MAP3K7CL: variants seen among roughly 807,000 people sequenced by gnomAD.
The protein encoded by MAP3K7CL is MAP3K7 C-terminal-like protein.
In MAP3K7CL, 16 loss-of-function variants were observed where a neutral mutation model predicts 18.6. That is an observed-to-expected ratio of 0.86 (90% CI 0.58 to 1.31). The LOEUF is 1.31. MAP3K7CL is among the 50% of genes most tolerant of loss of function. MAP3K7CL has a pLI of 0.00. For synonymous variants in MAP3K7CL, 65 were observed against 66.8 expected (o/e 0.97, Z 0.13); for missense variants, 163 against 174.4 (o/e 0.93, Z 0.37).
intron 1 of MAP3K7CL, among the ~76,000 whole-genome samples, chr21:29,079,327 G>A (rs1318493819): frequency 6.6e-6 from 1 of 152,206 alleles, no homozygotes; most frequent in African/African-American, 2.4e-5. Context: ...GAAGGAAGTG[G>A]CTCTGCCCTG....
At chr21:29,130,587 A>G (rs1038061858), upstream of MAP3K7CL, 4 of 985,460 alleles carry the variant, frequency 4.1e-6, no homozygotes, top group African/African-American at 5.2e-5. Flanking sequence ...CTTGCTGTTT[A>G]TCAATGCCTC....
At chr21:29,092,537 C>A in exon 4 of MAP3K7CL, 1 of 1,614,222 alleles carries the variant, frequency 6.2e-7, no homozygotes, top group Non-Finnish European at 8.5e-7. Context: ...ACTCTGAAGC[C>A]AAAGTCTATT....
At chr21:29,161,867 C>T (rs920395397) in intron 4 of MAP3K7CL, among the ~76,000 whole-genome samples, 2 of 152,202 alleles carry the variant, frequency 1.3e-5, no homozygotes, top group African/African-American at 4.8e-5. Flanking sequence ...TGCAAAACCT[C>T]AGTTAGTACC....
Position 29,169,920 on chromosome 21 carries a change from G to A in MAP3K7CL, c.249-4792G>A, listed in dbSNP as rs534443251. Among the ~76,000 whole-genome samples the A allele has an allele frequency of 2.5e-4, 38 of 152,280 alleles. 1 individual carries two copies. The highest frequency in any genetic ancestry group is 1.4e-3 in the South Asian group (7 of 4,828). On this transcript the variant is annotated intron_variant, in intron 4 of 4. Coordinates refer to ENST00000399928, the MANE Select transcript of MAP3K7CL (RefSeq NM_001286620.2). ...ATGACCTTTTAGGCTATTGAATGGC[G>A]TCATGTGGAAAGCTATGTTACAGAT...
At chr21:29,103,687 A>G (rs1387453715) in intron 4 of MAP3K7CL, among the ~76,000 whole-genome samples, 1 of 151,980 alleles carries the variant, frequency 6.6e-6, no homozygotes, top group Non-Finnish European at 1.5e-5. Flanking sequence ...GTGAGCCGGG[A>G]TCGTGCCACT....
intron 1 of MAP3K7CL, among the ~76,000 whole-genome samples, chr21:29,089,977 AAAAG>A (rs1037614020): frequency 3.3e-5 from 5 of 152,038 alleles, no homozygotes; most frequent in African/African-American, 1.2e-4. Context: ...AGGGAAGGAA[AAAAG>A]AAAGAATTGA....
chr21:29,147,043 T>G lies in MAP3K7CL; in HGVS notation c.71-2146T>G, dbSNP rs563541611. Among the ~76,000 whole-genome samples, 58 of 152,332 alleles carry G rather than the reference T, an allele frequency of 3.8e-4. 2 individuals are homozygous for G. In the South Asian group the frequency reaches 0.012, roughly 30 times the overall value. On this transcript the variant is annotated intron_variant, in intron 2 of 4. Coordinates refer to ENST00000399928, the MANE Select transcript of MAP3K7CL (RefSeq NM_001286620.2). ...GTTCAAAAAGAACACCAACAAGTTT[T>G]TATCAAGAAATTTGGTGATGACTAT...
intron 1 of MAP3K7CL, among the ~76,000 whole-genome samples, chr21:29,132,403 T>A (rs2086796003): frequency 6.6e-6 from 1 of 152,240 alleles, no homozygotes. Context: ...AGTGTTAAGA[T>A]GTGCATCCTT....
At chr21:29,079,726 C>G (rs1259257233) in intron 1 of MAP3K7CL, among the ~76,000 whole-genome samples, 2 of 152,156 alleles carry the variant, frequency 1.3e-5, no homozygotes, top group Non-Finnish European at 2.9e-5. Flanking sequence ...AAAGTGGGCT[C>G]TGTGTGTGGC....
intron 4 of MAP3K7CL, among the ~76,000 whole-genome samples, chr21:29,097,231 G>C (rs2086139107): frequency 6.6e-6 from 1 of 152,080 alleles, no homozygotes; most frequent in Non-Finnish European, 1.5e-5. Context: ...AATTTGGAGG[G>C]AGTATGCATA....
At chr21:29,081,943 C>T (rs1346503524), upstream of MAP3K7CL, among the ~76,000 whole-genome samples, 1 of 152,184 alleles carries the variant, frequency 6.6e-6, no homozygotes, top group East Asian at 1.9e-4. Flanking sequence ...AGCCTGCTTA[C>T]GTACAATATT....
intron 4 of MAP3K7CL, among the ~76,000 whole-genome samples, chr21:29,111,799 G>A (rs1480040209): frequency 6.6e-6 from 1 of 152,162 alleles, no homozygotes. Flanking sequence ...CACTTCCAGA[G>A]GCACCTAGTG....
chr21:29,128,646 G>A (rs1271665428), upstream of MAP3K7CL, among the ~76,000 whole-genome samples: 2 of 152,168 alleles, frequency 1.3e-5, no homozygotes, highest in African/African-American at 2.4e-5. Flanking sequence ...AGTGGAAGTA[G>A]CTTGAACTAA....
chr21:29,123,931 CCTT>C (rs1242342629), intron 4 of MAP3K7CL, among the ~76,000 whole-genome samples: 2 of 152,046 alleles, frequency 1.3e-5, no homozygotes, highest in Non-Finnish European at 2.9e-5. Flanking sequence ...TGCTGTTAGT[CCTT>C]CTAGGTTATA....
At chr21:29,133,158 A>G in intron 1 of MAP3K7CL, 148 bp from the exon 2 acceptor site, 2 of 524,662 alleles carry the variant, frequency 3.8e-6, no homozygotes, top group Non-Finnish European at 6.5e-6. Flanking sequence ...CTTTTGACAT[A>G]GAAAAAGCTC....
At chr21:29,133,018 C>T (rs1000575327) in intron 1 of MAP3K7CL, among the ~76,000 whole-genome samples, 3 of 151,870 alleles carry the variant, frequency 2.0e-5, no homozygotes, top group African/African-American at 7.3e-5. Flanking sequence ...TGAACTGGTC[C>T]GTGTAAAAAG....
chr21:29,099,912 T>C (rs1028261456), intron 4 of MAP3K7CL, among the ~76,000 whole-genome samples: 1 of 151,534 alleles, frequency 6.6e-6, no homozygotes, highest in Non-Finnish European at 1.5e-5. Flanking sequence ...TGAAACCCCG[T>C]CTCTACTAAA....
At chr21:29,103,242 G>A (rs2086263598) in intron 4 of MAP3K7CL, among the ~76,000 whole-genome samples, 1 of 152,162 alleles carries the variant, frequency 6.6e-6, no homozygotes, top group Non-Finnish European at 1.5e-5. Flanking sequence ...AATTGTGATA[G>A]CAACTATGTG....
chr21:29,134,607 G>A (rs1260443647), intron 2 of MAP3K7CL, among the ~76,000 whole-genome samples: 2 of 152,144 alleles, frequency 1.3e-5, no homozygotes, highest in Admixed American at 1.3e-4. Context: ...GTTGTACTGT[G>A]TCCTCACTCA....
Sources: gnomAD v4.1 joint callset for allele counts (sites outside exome capture counted in the v4.1 genomes callset) on GRCh38, gnomAD v4.1.1 for gene constraint, MANE v1.5 for transcripts, NCBI Gene and HGNC (gene_info 2026-07-23, HGNC 2026-07-21) for gene names.